The following ALAD variants were observed in gnomAD, a reference collection of about 807,000 sequenced individuals.
ALAD encodes the protein delta-aminolevulinic acid dehydratase.
A neutral mutation model predicts 44.4 loss-of-function variants in ALAD; 20 were observed. That is an observed-to-expected ratio of 0.45 (90% confidence interval 0.32 to 0.65). The LOEUF is 0.65. Ranked by LOEUF, ALAD falls within the 30% of genes least tolerant of loss-of-function variation. The probability of loss-of-function intolerance (pLI) is 0.05; values close to 1 mark genes in which losing one functional copy is unlikely to be tolerated. For missense variants in ALAD, 323 were observed against 445.7 expected, an observed-to-expected ratio of 0.72 and a Z score of 2.48; for synonymous variants, 156 against 167.9, an observed-to-expected ratio of 0.93 and a Z score of 0.55.
intron 1 of ALAD, among the ~76,000 whole-genome samples, chr9:113,399,851 C>G (rs1827814264): frequency 6.6e-6 from 1 of 152,154 alleles, no homozygotes; most frequent in Non-Finnish European, 1.5e-5. Flanking sequence ...GTCAGGAGAG[C>G]CAGCTAGATA....
At chr9:113,397,619 T>C (rs545513928) in intron 1 of ALAD, among the ~76,000 whole-genome samples, 105 of 141,256 alleles carry the variant, frequency 7.4e-4, no homozygotes, top group African/African-American at 2.7e-3. Context: ...TTTTTCCTTT[T>C]CTTTTTTTTT....
intron 1 of ALAD, among the ~76,000 whole-genome samples, chr9:113,398,409 A>G (rs887265612): frequency 2.0e-5 from 3 of 151,946 alleles, no homozygotes; most frequent in East Asian, 3.9e-4. Context: ...ACTGGCCTCA[A>G]CTCCCCATCG....
In ALAD at chr9:113,386,489, T is replaced by TA. The variant is rs1208145702; in HGVS notation, c.*1810dup. 1 of 148,342 alleles carries TA rather than the reference T, an allele frequency of 6.7e-6. No individual in the cohort carries two copies. The highest frequency in any genetic ancestry group is 2.6e-5 in the African/African-American group (1 of 38,058). The allele number at this position is 148,342 out of a possible 1,614,324, so 9.2% of individuals were successfully genotyped here. ...AGGTATATTAAATACATTTTTGACTTATGATCATATTTTCAACTTATGATC... is the reference window on the plus strand; with the variant it reads ...AGGTATATTAAATACATTTTTGACTTAATGATCATATTTTCAACTTATGATC... On this transcript the variant is annotated 3_prime_UTR_variant, in exon 12 of 12. Transcript: ENST00000409155.
chr9:113,393,460 G>T lies in ALAD; in HGVS notation c.100C>A (p.Pro34Thr), dbSNP rs754830142. ...TTGGAGACTCACGTGACAAAGATGG[G>T]GTAGATGAGGTTGGAGGCATTGAGG... ...TTLNASNLIY[P>T]IFVTDVPDDI... is the part of the protein sequence containing the mutation. The change falls in exon 2 of 12, where the codon CCC becomes ACC. Residue 34 changes from proline (P) to threonine (T), a missense_variant. Pro to Thr is a conservative substitution (Grantham distance 38). Coordinates refer to ENST00000409155, the MANE Select transcript of ALAD (RefSeq NM_000031.6). The T allele has an allele frequency of 4.4e-6, 7 of 1,578,632 alleles. No individual in the cohort carries two copies. The African/African-American group carries it at 9.4e-5, about 21-fold the overall frequency.
chr9:113,389,727 C>T (rs1206547783), intron 8 of ALAD, 41 bp from the exon 9 acceptor site: 1 of 1,614,056 alleles, frequency 6.2e-7, no homozygotes, highest in African/African-American at 1.3e-5. Flanking sequence ...AGCTTTGGGC[C>T]AAAGGGCCAG....
At chr9:113,396,994 C>G (rs1827747055) in intron 1 of ALAD, 1 of 152,276 alleles carries the variant, frequency 6.6e-6, no homozygotes, top group Non-Finnish European at 1.5e-5. Context: ...CTGAGTCCAA[C>G]TGCTTTTTGT....
In ALAD at chr9:113,390,670, A is replaced by G; in HGVS notation, c.404T>C (p.Leu135Pro). The part of the protein sequence containing the change: ...PYTSHGHCGL[L>P]SENGAFRAEE... ...AGCCCGGAATGCTCCGTTTTCACTC[A>G]GGAGCCCTTCAGGACAGATGACTGG... is the stretch of plus-strand genomic sequence containing the variant. Residue 135 changes from leucine to proline, a missense_variant, in exon 6 of 12, where the codon CTG becomes CCG. Physicochemically the swap from Leu to Pro is moderately conservative, Grantham distance 98 (BLOSUM62 -3). Transcript: ENST00000409155. 1 of 1,613,942 alleles carries G rather than the reference A, an allele frequency of 6.2e-7. No homozygotes were observed. Among genetic ancestry groups the G allele is most frequent in the Non-Finnish European group, 8.5e-7 (1 of 1,179,932 alleles).
At position 113,388,273 on chromosome 9, in the gene ALAD, T is replaced by C. The variant is rs1431764225; in HGVS notation, c.*27A>G. The C allele has an allele frequency of 1.2e-6, 2 of 1,613,300 alleles. No individual in the cohort carries two copies. Among genetic ancestry groups the C allele is most frequent in the Non-Finnish European group, 8.5e-7 (1 of 1,179,226 alleles). On this transcript the variant is annotated 3_prime_UTR_variant, in exon 12 of 12. Coordinates refer to ENST00000409155, the MANE Select transcript of ALAD (RefSeq NM_000031.6). ...AGGCCCCGGGAACGTTTTAAAGTTC[T>C]AGTTCTTGGGCCTGGCACTGTCTCC...
At chr9:113,399,682 T>C (rs1827811209) in intron 1 of ALAD, among the ~76,000 whole-genome samples, 1 of 152,186 alleles carries the variant, frequency 6.6e-6, no homozygotes, top group Admixed American at 6.5e-5. Flanking sequence ...AGTTGGGCCC[T>C]GAGCACTGCT....
In ALAD at chr9:113,387,919, C is replaced by T. The variant is rs886063363; in HGVS notation, c.*381G>A. The T allele has an allele frequency of 1.2e-5, 4 of 321,596 alleles. No individual in the cohort carries two copies. Among genetic ancestry groups the T allele is most frequent in the Admixed American group, 4.0e-5 (1 of 25,118 alleles). The allele number at this position is 321,596 out of a possible 1,614,324, so 19.9% of individuals were successfully genotyped here. On this transcript the variant is annotated 3_prime_UTR_variant, in exon 12 of 12. Coordinates refer to ENST00000409155, the MANE Select transcript of ALAD (RefSeq NM_000031.6). ...CAGAAGCGTTCCAAGGCTTCTCAGG[C>T]CCCAAGATCCCACTGCTCTCTTCTT...
intron 2 of ALAD, among the ~76,000 whole-genome samples, chr9:113,392,763 G>A (rs1325065791): frequency 6.7e-6 from 1 of 149,910 alleles, no homozygotes. Context: ...CTGGTAGATA[G>A]TAAGTACTCA....
intron 7 of ALAD, 109 bp from the exon 8 acceptor site, chr9:113,389,937 C>G: frequency 7.3e-7 from 1 of 1,366,686 alleles, no homozygotes; most frequent in Non-Finnish European, 1.0e-6. Context: ...TGCCTGTGTT[C>G]TGGTCCTGTT....
chr9:113,394,613 C>A (rs1827678904), intron 1 of ALAD, among the ~76,000 whole-genome samples: 1 of 152,078 alleles, frequency 6.6e-6, no homozygotes, highest in Non-Finnish European at 1.5e-5. Flanking sequence ...AAGAACTAAT[C>A]CTTCCTTATG....
Position 113,386,994 on chromosome 9 carries a change from A to C in ALAD, c.*1306T>G, listed in dbSNP as rs1431985805. 6.6e-6 allele frequency: 1 copy of C among 152,368 alleles called. No homozygotes were observed. The highest frequency in any genetic ancestry group is 2.4e-5 in the African/African-American group (1 of 41,568). The allele number at this position is 152,368 out of a possible 1,614,324, so 9.4% of individuals were successfully genotyped here. Reference sequence around the variant, plus strand: ...CACTGTCCCCGCTCCAGTCCATGCCATCAAGACTTTTCATTTGCACTTTGC... The same window carrying C: ...CACTGTCCCCGCTCCAGTCCATGCCCTCAAGACTTTTCATTTGCACTTTGC... On this transcript the variant is annotated 3_prime_UTR_variant, in exon 12 of 12. Coordinates refer to ENST00000409155, the MANE Select transcript of ALAD (RefSeq NM_000031.6).
intron 1 of ALAD, among the ~76,000 whole-genome samples, chr9:113,400,794 C>G (rs1400173031): frequency 6.6e-6 from 1 of 152,128 alleles, no homozygotes; most frequent in East Asian, 1.9e-4. Context: ...TGCACTCCAG[C>G]CTGGGCAACA....
chr9:113,392,270 A>C, intron 2 of ALAD, 101 bp from the exon 3 acceptor site: 1 of 1,600,766 alleles, frequency 6.2e-7, no homozygotes, highest in Non-Finnish European at 8.5e-7. Flanking sequence ...AGAAATATGG[A>C]AGTGGAGATG....
chr9:113,391,252 G>A (rs1827574862), intron 4 of ALAD, among the ~76,000 whole-genome samples: 1 of 152,088 alleles, frequency 6.6e-6, no homozygotes, highest in South Asian at 2.1e-4. Context: ...ACCCAGGCTA[G>A]AGTGCACTGG....
chr9:113,391,239 G>A (rs892770510), intron 4 of ALAD, among the ~76,000 whole-genome samples: 2 of 152,128 alleles, frequency 1.3e-5, no homozygotes, highest in African/African-American at 4.8e-5. Flanking sequence ...GTCTTGCTCT[G>A]TCACCCAGGC....
At chr9:113,391,671 A>G in intron 3 of ALAD, 48 bp from the exon 4 acceptor site, 1 of 1,505,290 alleles carries the variant, frequency 6.6e-7, no homozygotes, top group South Asian at 1.1e-5. Context: ...GTCCCAGGCA[A>G]CGGTCCTCCG....
Sources: allele counts gnomAD v4.1 joint callset (sites outside exome capture counted in the v4.1 genomes callset), GRCh38; gene constraint gnomAD v4.1.1; transcripts MANE v1.5; gene names NCBI Gene and HGNC (gene_info 2026-07-23, HGNC 2026-07-21).